The following RBMS3 variants were observed in gnomAD, a reference collection of about 807,000 sequenced individuals.
RBMS3 encodes the protein RNA binding motif single stranded interacting protein 3.
In RBMS3, 27 loss-of-function variants were observed where a neutral mutation model predicts 66.8. The observed-to-expected ratio is 0.40, with a 90% CI of 0.30 to 0.56. RBMS3 has a LOEUF of 0.56. Among genes scored for constraint, RBMS3 ranks in the 20% least tolerant of loss-of-function variants. The probability of loss-of-function intolerance (pLI) is 0.40; values close to 1 mark genes in which losing one functional copy is unlikely to be tolerated. For missense variants in RBMS3, 513 were observed against 549.5 expected, an observed-to-expected ratio of 0.93 and a Z score of 0.66; for synonymous variants, 188 against 183.0, an observed-to-expected ratio of 1.03 and a Z score of -0.22.
chr3:29,457,827 C>CTTTTT (rs36020077), intron 2 of RBMS3, among the ~76,000 whole-genome samples: 3 of 140,832 alleles, frequency 2.1e-5, no homozygotes, highest in Admixed American at 7.1e-5. Context: ...TCAATTTGCA[C>CTTTTT]TTTTTTTTTT....
intron 6 of RBMS3, among the ~76,000 whole-genome samples, chr3:29,851,028 C>G (rs559591931): frequency 1.3e-5 from 2 of 152,148 alleles, no homozygotes; most frequent in East Asian, 3.8e-4. Context: ...AAGATTGCTC[C>G]CTCCTTTCTT....
At chr3:29,558,195 A>G (rs970055910) in intron 3 of RBMS3, among the ~76,000 whole-genome samples, 2 of 152,230 alleles carry the variant, frequency 1.3e-5, no homozygotes, top group Admixed American at 1.3e-4. Flanking sequence ...AACAGAAGAA[A>G]GTAATAAAAG....
intron 4 of RBMS3, among the ~76,000 whole-genome samples, chr3:29,630,395 C>A (rs1482514753): frequency 6.6e-6 from 1 of 151,888 alleles, no homozygotes; most frequent in Non-Finnish European, 1.5e-5. Context: ...TCTATTATTC[C>A]AAATAATGAG....
chr3:29,517,316 TATA>T (rs796803094), intron 3 of RBMS3, among the ~76,000 whole-genome samples: 34 of 134,284 alleles, frequency 2.5e-4, no homozygotes, highest in African/African-American at 4.6e-4. Context: ...TGTATATATA[TATA>T]TTTTTTTTTT....
At chr3:29,736,144 C>T (rs1576652842) in intron 4 of RBMS3, among the ~76,000 whole-genome samples, 1 of 152,008 alleles carries the variant, frequency 6.6e-6, no homozygotes, top group Non-Finnish European at 1.5e-5. Context: ...TTATTTTATG[C>T]ATAATTTAAA....
chr3:29,313,711 G>T (rs1173141550), intron 1 of RBMS3, among the ~76,000 whole-genome samples: 1 of 151,630 alleles, frequency 6.6e-6, no homozygotes, highest in Non-Finnish European at 1.5e-5. Context: ...TGTTAAAAAG[G>T]CATGATGCTT....
At chr3:29,491,468 TTAATA>T (rs1312586487) in intron 3 of RBMS3, among the ~76,000 whole-genome samples, 5 of 152,198 alleles carry the variant, frequency 3.3e-5, no homozygotes, top group Admixed American at 1.3e-4. Flanking sequence ...ACATTACATA[TTAATA>T]TAATCTTACA....
intron 1 of RBMS3, among the ~76,000 whole-genome samples, chr3:29,315,516 C>T (rs900588447): frequency 6.6e-6 from 1 of 151,520 alleles, no homozygotes; most frequent in Non-Finnish European, 1.5e-5. Flanking sequence ...ATATAATTTC[C>T]AAGAAAACTG....
intron 6 of RBMS3, among the ~76,000 whole-genome samples, chr3:29,857,432 C>T (rs1055522849): frequency 1.4e-5 from 2 of 146,684 alleles, no homozygotes; most frequent in Admixed American, 6.9e-5. Flanking sequence ...ATGAGTTTCA[C>T]TTGAAATCAG....
At chr3:29,462,732 T>C (rs371252389) in intron 2 of RBMS3, among the ~76,000 whole-genome samples, 4 of 152,224 alleles carry the variant, frequency 2.6e-5, no homozygotes, top group Non-Finnish European at 4.4e-5. Flanking sequence ...ACAGCTGAGT[T>C]GTTGAGAATG....
intron 4 of RBMS3, among the ~76,000 whole-genome samples, chr3:29,684,527 A>G (rs1261255714): frequency 2.6e-5 from 4 of 152,188 alleles, no homozygotes; most frequent in South Asian, 2.1e-4. Context: ...TCAACTGTAT[A>G]TGGAATTTTA....
chr3:29,781,468 T>C (rs781446005), intron 6 of RBMS3, among the ~76,000 whole-genome samples: 9 of 152,104 alleles, frequency 5.9e-5, no homozygotes, highest in Non-Finnish European at 1.3e-4. Flanking sequence ...TTGCTATTAG[T>C]TTTTGGAAAT....
At chr3:29,917,754 G>A (rs2060675746) in intron 10 of RBMS3, among the ~76,000 whole-genome samples, 1 of 151,994 alleles carries the variant, frequency 6.6e-6, no homozygotes. Flanking sequence ...TTAGCATCTT[G>A]GGGTAAATGA....
intron 1 of RBMS3, among the ~76,000 whole-genome samples, chr3:29,397,254 T>C (rs1278271771): frequency 2.6e-5 from 4 of 152,190 alleles, no homozygotes; most frequent in East Asian, 1.9e-4. Context: ...ATTGAGCTTC[T>C]GGATATATGG....
At chr3:29,798,355 G>A (rs1176148639) in intron 6 of RBMS3, among the ~76,000 whole-genome samples, 6 of 108,392 alleles carry the variant, frequency 5.5e-5, no homozygotes, top group African/African-American at 1.4e-4. Context: ...GGAGGAGAGG[G>A]GAGGGGAGGG....
intron 1 of RBMS3, among the ~76,000 whole-genome samples, chr3:29,406,203 G>A (rs995030660): frequency 6.6e-6 from 1 of 152,130 alleles, no homozygotes; most frequent in Admixed American, 6.6e-5. Context: ...AAATGGTTGT[G>A]GCTCACAGTT....
chr3:29,765,511 A>G (rs1291159013), intron 6 of RBMS3, among the ~76,000 whole-genome samples: 5 of 151,988 alleles, frequency 3.3e-5, no homozygotes, highest in Non-Finnish European at 2.9e-5. Flanking sequence ...ACAATTTTTA[A>G]AATTTGAAAA....
chr3:29,571,751 A>C (rs1166543565), intron 3 of RBMS3, among the ~76,000 whole-genome samples: 2 of 152,166 alleles, frequency 1.3e-5, no homozygotes, highest in Non-Finnish European at 1.5e-5. Flanking sequence ...AGCTTTGGCT[A>C]TTCAGGGTCT....
intron 1 of RBMS3, among the ~76,000 whole-genome samples, chr3:29,384,918 A>C (rs2038942971): frequency 6.6e-6 from 1 of 152,198 alleles, no homozygotes; most frequent in Non-Finnish European, 1.5e-5. Flanking sequence ...TTGTCACCAC[A>C]ATTCCAGCTG....
Sources: gnomAD v4.1 joint callset for allele counts (sites outside exome capture counted in the v4.1 genomes callset) on GRCh38, gnomAD v4.1.1 for gene constraint, MANE v1.5 for transcripts, NCBI Gene and HGNC (gene_info 2026-07-23, HGNC 2026-07-21) for gene names.